The following FGR variants were observed in gnomAD, a reference collection of about 807,000 sequenced individuals.
FGR encodes the protein FGR proto-oncogene, Src family tyrosine kinase, also known as tyrosine-protein kinase Fgr.
In FGR, 26 loss-of-function variants were observed where a neutral mutation model predicts 63.2. The ratio of observed to expected loss-of-function variants is 0.41; its 90% CI spans 0.30 to 0.57. The LOEUF is 0.57. FGR is among the 20% of genes least tolerant of loss of function. The pLI, the probability that FGR is intolerant of heterozygous loss-of-function variation, is 0.27. For missense variants in FGR, 511 were observed against 690.8 expected, an observed-to-expected ratio of 0.74 and a Z score of 2.92; for synonymous variants, 286 against 277.7, an observed-to-expected ratio of 1.03 and a Z score of -0.30.
At chr1:27,631,088 C>A (rs1181829529) in intron 1 of FGR, among the ~76,000 whole-genome samples, 1 of 152,172 alleles carries the variant, frequency 6.6e-6, no homozygotes, top group Non-Finnish European at 1.5e-5. Context: ...ACCACTCCAC[C>A]TTCTCTTTTG....
At chr1:27,631,346 T>C (rs1341059857) in intron 1 of FGR, among the ~76,000 whole-genome samples, 1 of 152,118 alleles carries the variant, frequency 6.6e-6, no homozygotes, top group East Asian at 1.9e-4. Context: ...CTGCTGGACA[T>C]AGGAACCCCA....
intron 1 of FGR, among the ~76,000 whole-genome samples, chr1:27,632,140 CT>C (rs71739634): frequency 2.3e-3 from 321 of 139,834 alleles, no homozygotes; most frequent in Non-Finnish European, 2.6e-3. Flanking sequence ...TCTTCTTCTT[CT>C]TTTTTTTTTT....
intron 1 of FGR, among the ~76,000 whole-genome samples, chr1:27,632,639 GT>G (rs1314181162): frequency 2.0e-5 from 3 of 151,708 alleles, no homozygotes; most frequent in Admixed American, 6.6e-5. Context: ...GGTAAAAGTG[GT>G]TTTCCACCTG....
chr1:27,617,116 C>T lies in FGR; in HGVS notation c.532+77G>A. ...ACCTGGTCCCAGTCTTGGCCTTAAC[C>T]CAAGCAGCCTACCGCTCCTAGCCCT... On this transcript the variant is annotated intron_variant, in intron 6 of 12. Transcript: ENST00000374005. The surrounding 1 kb of genome is among the most constrained non-coding windows in gnomAD (Gnocchi z 4.5). The T allele has an allele frequency of 6.3e-7, 1 of 1,597,992 alleles. No homozygotes were observed. Among genetic ancestry groups the T allele is most frequent in the Non-Finnish European group, 8.6e-7 (1 of 1,167,380 alleles).
At position 27,615,031 on chromosome 1, in the gene FGR, C is replaced by A; in HGVS notation, c.1019-105G>T. 2.2e-6 allele frequency: 2 copies of A among 896,766 alleles called. No homozygotes were observed. Among genetic ancestry groups the A allele is most frequent in the South Asian group, 1.5e-5 (1 of 67,642 alleles). The allele number at this position is 896,766 out of a possible 1,614,324, so 55.6% of individuals were successfully genotyped here. A position where few individuals can be genotyped will look rare whatever the true frequency, so the allele number is the denominator to read the frequency against. On this transcript the variant is annotated intron_variant, in intron 9 of 12. Transcript: ENST00000374005. The surrounding 1 kb of genome is among the most constrained non-coding windows in gnomAD (Gnocchi z 7.6). ...CAGCCCCTCCCACCTGGACCCGCCC[C>A]TCACTTAGGACCCCGCGGGTGCCTC... is the stretch of plus-strand genomic sequence containing the variant.
chr1:27,631,017 C>T (rs908207897), intron 1 of FGR, among the ~76,000 whole-genome samples: 34 of 152,132 alleles, frequency 2.2e-4, no homozygotes, highest in African/African-American at 7.2e-4. Context: ...GGCTCTTGCC[C>T]GATGTGCAGT....
At chr1:27,634,269 G>A (rs910719879) in intron 1 of FGR, among the ~76,000 whole-genome samples, 31 of 152,318 alleles carry the variant, frequency 2.0e-4, no homozygotes, top group African/African-American at 7.2e-4. Flanking sequence ...AGCAATTCCC[G>A]GATCCAGCGG....
In FGR at chr1:27,623,268, CA is replaced by C. The variant is rs1452534934; in HGVS notation, c.227-125del. 5.7e-6 allele frequency: 4 copies of C among 701,540 alleles called. No individual in the cohort carries two copies. In the Admixed American group the frequency reaches 9.5e-5, roughly 17 times the overall value. The allele number at this position is 701,540 out of a possible 1,614,324, so 43.5% of individuals were successfully genotyped here. A position where few individuals can be genotyped will look rare whatever the true frequency, so the allele number is the denominator to read the frequency against. On this transcript the variant is annotated intron_variant, in intron 3 of 12. Coordinates refer to ENST00000374005, the MANE Select transcript of FGR (RefSeq NM_005248.3). ...CCCACTCCTTTAGTGCTCTGGTTCCCAAAGGCCTTTGGGGTCCAAGGAATTT... is the reference window on the plus strand; with the variant it reads ...CCCACTCCTTTAGTGCTCTGGTTCCCAAGGCCTTTGGGGTCCAAGGAATTT...
chr1:27,617,269 C>A lies in FGR; in HGVS notation c.456G>T (p.Lys152Asn). The A allele has an allele frequency of 1.2e-6, 2 of 1,614,150 alleles. No homozygotes were observed. Among genetic ancestry groups the A allele is most frequent in the Non-Finnish European group, 1.7e-6 (2 of 1,179,994 alleles). Reference protein sequence around the residue: ...EEWYFGKIGRKDAERQLLSPG... With the variant: ...EEWYFGKIGRNDAERQLLSPG... Reference sequence around the variant, plus strand: ...GTGAAAGCAGCTGCCTCTCTGCATCCTTTCTCCCAATCTTTCCAAAGTACC... The same window carrying A: ...GTGAAAGCAGCTGCCTCTCTGCATCATTTCTCCCAATCTTTCCAAAGTACC... The change falls in exon 6 of 13, where the codon AAG becomes AAT. Residue 152 changes from lysine (K) to asparagine (N), a missense_variant. Transcript: ENST00000374005. This position sits in a 1 kb window ranked among gnomAD's most constrained non-coding sequence, Gnocchi z 4.5.
intron 1 of FGR, among the ~76,000 whole-genome samples, chr1:27,630,692 C>G (rs1202799970): frequency 6.6e-6 from 1 of 152,076 alleles, no homozygotes; most frequent in Non-Finnish European, 1.5e-5. Flanking sequence ...CTGCTAATAC[C>G]AGAAAGGGGG....
chr1:27,627,253 G>A (rs898018087), intron 1 of FGR, among the ~76,000 whole-genome samples: 14 of 150,214 alleles, frequency 9.3e-5, no homozygotes, highest in African/African-American at 1.2e-4. Context: ...CTCAAATGGC[G>A]CACCATGCTG....
chr1:27,630,494 G>A (rs2090090453), intron 1 of FGR, among the ~76,000 whole-genome samples: 1 of 152,122 alleles, frequency 6.6e-6, no homozygotes, highest in East Asian at 1.9e-4. Flanking sequence ...TGTCTCTTAA[G>A]GAGCACCTAG....
At chr1:27,630,547 C>T (rs1017130454) in intron 1 of FGR, among the ~76,000 whole-genome samples, 1 of 151,672 alleles carries the variant, frequency 6.6e-6, no homozygotes, top group African/African-American at 2.4e-5. Context: ...CTTGATACAG[C>T]AGGCAGGGCG....
chr1:27,616,752 TG>T lies in FGR; in HGVS notation c.682+104del. The T allele has an allele frequency of 7.8e-7, 1 of 1,276,432 alleles. No individual in the cohort carries two copies. Among genetic ancestry groups the T allele is most frequent in the East Asian group, 2.3e-5 (1 of 42,896 alleles). 79.1% of individuals were successfully genotyped at this position (1,276,432 alleles called of 1,614,324 possible). A position where few individuals can be genotyped will look rare whatever the true frequency, so the allele number is the denominator to read the frequency against. On this transcript the variant is annotated intron_variant, in intron 7 of 12. Coordinates refer to ENST00000374005, the MANE Select transcript of FGR (RefSeq NM_005248.3). This position sits in a 1 kb window ranked among gnomAD's most constrained non-coding sequence, Gnocchi z 4.3. ...CCATCCTTGGGTTCTGGTTTCCGTCTGGCCAATACTGCTTGGTAGTCCCTTC... is the reference window on the plus strand; with the variant it reads ...CCATCCTTGGGTTCTGGTTTCCGTCTGCCAATACTGCTTGGTAGTCCCTTC...
rs1250633199 is a variant in FGR, at chr1:27,623,681, T to G, written c.226+10A>C. Reference sequence around the variant, plus strand: ...CCAGGCAGCTCCTGCCTCCGACCCCTTGGACTCACCTGACACACCCCTGAT... The same window carrying G: ...CCAGGCAGCTCCTGCCTCCGACCCCGTGGACTCACCTGACACACCCCTGAT... On this transcript the variant is annotated intron_variant, in intron 3 of 12. Coordinates refer to ENST00000374005, the MANE Select transcript of FGR (RefSeq NM_005248.3). The G allele has an allele frequency of 2.5e-6, 4 of 1,613,838 alleles. No homozygotes were observed. In the East Asian group the frequency reaches 8.9e-5, roughly 36 times the overall value.
chr1:27,626,359 G>A (rs1167800069), intron 1 of FGR: 1 of 396,910 alleles, frequency 2.5e-6, no homozygotes, highest in Non-Finnish European at 4.4e-6. Context: ...TAGAAGAAAG[G>A]GCCCCCAGCT....
intron 4 of FGR, 146 bp from the exon 5 acceptor site, chr1:27,621,803 C>T: frequency 1.6e-6 from 1 of 641,754 alleles, no homozygotes; most frequent in South Asian, 1.7e-5. Flanking sequence ...TTTGTCCGCT[C>T]TGCCCCAGCC....
Position 27,616,582 on chromosome 1 carries a change from C to T in FGR, c.682+275G>A, listed in dbSNP as rs1040876934. 8.5e-5 allele frequency among the ~76,000 whole-genome samples: 13 copies of T among 152,256 alleles called. No individual in the cohort carries two copies. The highest frequency in any genetic ancestry group is 4.6e-4 in the Admixed American group (7 of 15,286). On this transcript the variant is annotated intron_variant, in intron 7 of 12. Transcript: ENST00000374005. The surrounding 1 kb of genome is among the most constrained non-coding windows in gnomAD (Gnocchi z 4.3). ...GTGCCTTGGTGGGGCATTCAGGCGG[C>T]ACAAACACTCCATCAAGTTTCCACA...
At chr1:27,634,475 T>TG (rs550569476) in intron 1 of FGR, among the ~76,000 whole-genome samples, 1 of 152,222 alleles carries the variant, frequency 6.6e-6, no homozygotes, top group African/African-American at 2.4e-5. Flanking sequence ...AACGTTACCC[T>TG]GCGGGCTGTG....
Sources: allele counts gnomAD v4.1 joint callset (sites outside exome capture counted in the v4.1 genomes callset), GRCh38; gene constraint gnomAD v4.1.1; non-coding constraint Gnocchi (gnomAD v3.1); transcripts MANE v1.5; gene names NCBI Gene and HGNC (gene_info 2026-07-23, HGNC 2026-07-21).